The following ABCA4 variants were observed in gnomAD, a reference collection of about 807,000 sequenced individuals.
The protein encoded by ABCA4 is retinal-specific phospholipid-transporting ATPase ABCA4.
ABCA4 carries 196 observed loss-of-function variants against 263.7 expected under a neutral mutation model. The observed-to-expected ratio is 0.74, with a 90% CI of 0.66 to 0.84. The LOEUF (loss-of-function observed/expected upper bound fraction) is 0.84. Among genes scored for constraint, ABCA4 ranks in the 40% least tolerant of loss-of-function variants. ABCA4 has a pLI of 0.00. For synonymous variants in ABCA4, 1,133 were observed against 1,094.2 expected, an observed-to-expected ratio of 1.04 and a Z score of -0.70; for missense variants, 2,792 against 2,855.1, an observed-to-expected ratio of 0.98 and a Z score of 0.50.
At chr1:94,005,662 G>T in intron 43 of ABCA4, 80 bp from the exon 44 acceptor site, 1 of 1,428,286 alleles carries the variant, frequency 7.0e-7, no homozygotes. Context: ...AGAAGCTTCT[G>T]CCAACGGGAA....
intron 5 of ABCA4, among the ~76,000 whole-genome samples, chr1:94,102,201 G>A (rs1662302493): frequency 6.6e-6 from 1 of 152,156 alleles, no homozygotes; most frequent in Non-Finnish European, 1.5e-5. Context: ...CATAAATAGA[G>A]GAGATTATTT....
intron 6 of ABCA4, among the ~76,000 whole-genome samples, chr1:94,086,682 G>T (rs371001981): frequency 3.4e-4 from 52 of 152,208 alleles, no homozygotes; most frequent in African/African-American, 1.2e-3. Flanking sequence ...CCTTCCAGAA[G>T]CACGAAGACT....
In ABCA4 at chr1:94,011,416, G is replaced by A. The variant is rs148721172; in HGVS notation, c.5461-31C>T. ...ACAGAGAAGTAGGACTGTTGGAAAC[G>A]GGGCAAACCCCACCCCCCCTCTCTT... On this transcript the variant is annotated intron_variant, in intron 38 of 49. Transcript: ENST00000370225. 1.1e-4 allele frequency: 176 copies of A among 1,605,472 alleles called. 1 individual carries two copies. The African/African-American group carries it at 1.8e-3, about 16-fold the overall frequency.
In ABCA4 at chr1:94,042,980, G is replaced by A. The variant is rs1371991851; in HGVS notation, c.3191-82C>T. 5 of 1,584,026 alleles carry A rather than the reference G, an allele frequency of 3.2e-6. No homozygotes were observed. The South Asian group carries it at 3.3e-5, about 11-fold the overall frequency. ...AGGCCCAGGGCAAGTGGCATTGTGG[G>A]GGTACCTTAACCCAGCAGTGGTTTG... On this transcript the variant is annotated intron_variant, in intron 21 of 49. Coordinates refer to ENST00000370225, the MANE Select transcript of ABCA4 (RefSeq NM_000350.3).
In ABCA4 at chr1:94,036,257, A is replaced by G. The variant is rs1660333073; in HGVS notation, c.3862+483T>C. ...ATCCAAAGTGTCCCCATCTAGACCT[A>G]ACTCAGTCTGTTATTCCTTTGTCAC... On this transcript the variant is annotated intron_variant, in intron 26 of 49. Transcript: ENST00000370225. 3.3e-5 allele frequency among the ~76,000 whole-genome samples: 5 copies of G among 151,012 alleles called. No individual in the cohort carries two copies. The Admixed American group carries it at 3.3e-4, about 10-fold the overall frequency.
At chr1:94,055,430 C>T (rs995917845) in intron 15 of ABCA4, 115 bp from the exon 16 acceptor site, 29 of 1,015,526 alleles carry the variant, frequency 2.9e-5, no homozygotes, top group Non-Finnish European at 4.0e-5. Flanking sequence ...CATTGTCTCT[C>T]AGTGTAAGGT....
At chr1:94,014,842 T>C (rs2101014207) in intron 37 of ABCA4, 152 bp from the exon 38 acceptor site, 1 of 993,552 alleles carries the variant, frequency 1.0e-6, no homozygotes, top group Non-Finnish European at 1.6e-6. Flanking sequence ...CATTTGTTGG[T>C]CTCTGTGCCT....
At chr1:94,045,483 G>A (rs1660647513) in intron 19 of ABCA4, among the ~76,000 whole-genome samples, 1 of 152,148 alleles carries the variant, frequency 6.6e-6, no homozygotes, top group African/African-American at 2.4e-5. Context: ...AACCCCTGGG[G>A]GAAGTTGCAT....
chr1:94,113,253 A>G (rs561064030), intron 1 of ABCA4, among the ~76,000 whole-genome samples, 187 bp from the exon 2 acceptor site: 3 of 152,238 alleles, frequency 2.0e-5, no homozygotes, highest in African/African-American at 4.8e-5. Flanking sequence ...TTGTTTTATT[A>G]TATCAACCAG....
rs754899561 is a variant in ABCA4 at position 94,098,952 on chromosome 1, C to T, written c.610G>A (p.Ala204Thr). The change falls in exon 6 of 50, where the codon GCC (alanine) becomes ACC (threonine). Residue 204 changes from alanine to threonine, a missense_variant. Transcript: ENST00000370225. ...CGCTCCAGGAGGGCCTCGCTGCAGG[C>T]GATGTCCTTCAGCGCCAGGTCCGGG... is the stretch of plus-strand genomic sequence containing the variant. Reference protein sequence around the residue: ...GVPDLALKDIACSEALLERFI... With the variant: ...GVPDLALKDITCSEALLERFI... 18 of 1,611,986 alleles carry T rather than the reference C, an allele frequency of 1.1e-5. No individual in the cohort carries two copies. Among genetic ancestry groups the T allele is most frequent in the Admixed American group, 5.0e-5 (3 of 60,000 alleles).
intron 38 of ABCA4, among the ~76,000 whole-genome samples, chr1:94,013,595 G>A (rs1040730116): frequency 2.0e-5 from 3 of 152,206 alleles, no homozygotes; most frequent in Non-Finnish European, 4.4e-5. Flanking sequence ...ACAGCGGTGG[G>A]GACTGGGAGT....
intron 35 of ABCA4, among the ~76,000 whole-genome samples, chr1:94,020,835 G>T (rs77802733): frequency 6.6e-6 from 1 of 152,214 alleles, no homozygotes; most frequent in African/African-American, 2.4e-5. Context: ...AAGCTCTGTC[G>T]ACATCTCCAA....
rs1662210140 is a variant in ABCA4 at position 94,098,878 on chromosome 1, G to A, written c.684C>T (p.Ala228=). The A allele has an allele frequency of 6.2e-7, 1 of 1,613,992 alleles. No individual in the cohort carries two copies. Among genetic ancestry groups the A allele is most frequent in the South Asian group, 1.1e-5 (1 of 91,086 alleles). The stretch of plus-strand genomic sequence containing the variant: ...GGGTGCCCTGGGAGAGGGAGCACAG[G>A]GCATAGCGCACCGTCTTTGCCCCGC... ...QRRGAKTVRY[A]LCSLSQGTLQ... is the part of the protein sequence containing the mutation. Residue 228 remains alanine (A), a synonymous_variant, in exon 6 of 50, where the codon GCC becomes GCT. Coordinates refer to ENST00000370225, the MANE Select transcript of ABCA4 (RefSeq NM_000350.3).
At chr1:94,085,695 A>G (rs550024455) in intron 6 of ABCA4, among the ~76,000 whole-genome samples, 1 of 152,240 alleles carries the variant, frequency 6.6e-6, no homozygotes, top group African/African-American at 2.4e-5. Flanking sequence ...TTTGACACAC[A>G]TGACCTCTGT....
In ABCA4 at chr1:94,040,102, C is replaced by A. The variant is rs1448698653; in HGVS notation, c.3548G>T (p.Gly1183Val). The A allele has an allele frequency of 6.2e-7, 1 of 1,609,968 alleles. No homozygotes were observed. Among genetic ancestry groups the A allele is most frequent in the Admixed American group, 1.7e-5 (1 of 59,666 alleles). The change falls in exon 24 of 50, where the codon GGT becomes GTT. Residue 1183 changes from glycine (G) to valine (V), a missense_variant. Coordinates refer to ENST00000370225, the MANE Select transcript of ABCA4 (RefSeq NM_000350.3). ...SEGTCSCSSK[G>V]FSTTCPAHVD... is the part of the protein sequence containing the mutation. Reference sequence around the variant, plus strand: ...GTGGGCTGGACACGTGGTGGAGAAACCCTTAGACGAGCAGCTGCAGGTCCC... The same window carrying A: ...GTGGGCTGGACACGTGGTGGAGAAAACCTTAGACGAGCAGCTGCAGGTCCC...
chr1:94,105,545 G>A (rs1662408695), intron 4 of ABCA4, among the ~76,000 whole-genome samples: 1 of 150,890 alleles, frequency 6.6e-6, no homozygotes, highest in Admixed American at 6.6e-5. Context: ...CTGGGAGCCT[G>A]AGGAAAGAAA....
chr1:94,046,280 T>TAAAAAAAA (rs11289565), intron 19 of ABCA4, among the ~76,000 whole-genome samples: 97 of 76,952 alleles, frequency 1.3e-3, no homozygotes, highest in African/African-American at 2.5e-3. Flanking sequence ...CTGTCTGTAC[T>TAAAAAAAA]AAAAAAAAAA....
In ABCA4 at chr1:94,014,806, A is replaced by T; in HGVS notation, c.5313-116T>A. The T allele has an allele frequency of 3.8e-6, 5 of 1,328,064 alleles. No individual in the cohort carries two copies. In the South Asian group the frequency reaches 5.9e-5, roughly 16 times the overall value. 82.3% of individuals were successfully genotyped at this position (1,328,064 alleles called of 1,614,324 possible). ...GAGGTGATGTGTGTGAACTGGCCAG[A>T]GTCCCAGGGGACCAGAGAGATACTC... On this transcript the variant is annotated intron_variant, in intron 37 of 49. Coordinates refer to ENST00000370225, the MANE Select transcript of ABCA4 (RefSeq NM_000350.3).
rs1659055125 is a variant in ABCA4, at chr1:93,997,960, G to A, written c.6630C>T (p.Val2210=). The A allele has an allele frequency of 1.2e-6, 2 of 1,614,000 alleles. No individual in the cohort carries two copies. Among genetic ancestry groups the A allele is most frequent in the Non-Finnish European group, 1.7e-6 (2 of 1,180,034 alleles). ...ERHYNMLQFQ[V]SSSSLARIFQ... ...AGATCCTCGCCAGGGAGGAGGAGGA[G>A]ACCTGGAACTGGAGCATGTTGTAGT... The change falls in exon 48 of 50, where the codon GTC becomes GTT. Residue 2210 remains valine (V), a synonymous_variant. Coordinates refer to ENST00000370225, the MANE Select transcript of ABCA4 (RefSeq NM_000350.3).
Sources: allele counts gnomAD v4.1 joint callset (sites outside exome capture counted in the v4.1 genomes callset), GRCh38; gene constraint gnomAD v4.1.1; transcripts MANE v1.5; gene names NCBI Gene and HGNC (gene_info 2026-07-23, HGNC 2026-07-21).